The following ASTN2 variants were observed in gnomAD, a reference collection of about 807,000 sequenced individuals.
ASTN2 encodes astrotactin-2.
Under a neutral mutation model 139.8 loss-of-function variants are expected in ASTN2, and 54 were observed. That is an observed-to-expected ratio of 0.39 (90% CI 0.31 to 0.48). The LOEUF is 0.48. Among genes scored for constraint, ASTN2 ranks in the 20% least tolerant of loss-of-function variants. The pLI, the probability that ASTN2 is intolerant of heterozygous loss-of-function variation, is 0.95. For missense variants in ASTN2, 1,565 were observed against 1,725.1 expected (o/e 0.91, Z 1.64); for synonymous variants, 756 against 719.5 (o/e 1.05, Z -0.81).
intron 1 of ASTN2, among the ~76,000 whole-genome samples, chr9:117,351,785 T>C (rs934504097): frequency 6.6e-6 from 1 of 152,104 alleles, no homozygotes; most frequent in Non-Finnish European, 1.5e-5. Flanking sequence ...TTAGATGCTA[T>C]ATTAGTTCAT....
intron 20 of ASTN2, among the ~76,000 whole-genome samples, chr9:116,467,360 GGGTT>G (rs1848680628): frequency 6.6e-6 from 1 of 151,942 alleles, no homozygotes; most frequent in African/African-American, 2.4e-5. Flanking sequence ...TCCCCCTCCC[GGGTT>G]CAAGCAATTC....
intron 6 of ASTN2, among the ~76,000 whole-genome samples, chr9:117,011,507 G>T (rs572628884): frequency 6.6e-6 from 1 of 152,324 alleles, no homozygotes; most frequent in Non-Finnish European, 1.5e-5. Flanking sequence ...CTCCAGAACT[G>T]TAAGAAATAA....
At chr9:117,062,890 G>A (rs1055632488) in intron 5 of ASTN2, among the ~76,000 whole-genome samples, 1 of 152,120 alleles carries the variant, frequency 6.6e-6, no homozygotes, top group Non-Finnish European at 1.5e-5. Flanking sequence ...ATATCAATAC[G>A]CAGGAAGACT....
chr9:116,447,257 C>T (rs1848028340), intron 20 of ASTN2, among the ~76,000 whole-genome samples: 1 of 152,206 alleles, frequency 6.6e-6, no homozygotes, highest in African/African-American at 2.4e-5. Flanking sequence ...CTTTGACCGT[C>T]TCAAGAGCTG....
intron 3 of ASTN2, among the ~76,000 whole-genome samples, chr9:117,149,644 T>G (rs1438487252): frequency 6.6e-6 from 1 of 152,158 alleles, no homozygotes; most frequent in Non-Finnish European, 1.5e-5. Flanking sequence ...CCATCCAATT[T>G]GGAAATTGTG....
chr9:117,172,042 G>A (rs1830807153), intron 3 of ASTN2, among the ~76,000 whole-genome samples: 1 of 152,116 alleles, frequency 6.6e-6, no homozygotes, highest in African/African-American at 2.4e-5. Context: ...GCATCTGTAG[G>A]ATCGCATATC....
chr9:116,986,942 C>T (rs1046868043), intron 7 of ASTN2, among the ~76,000 whole-genome samples: 2 of 152,210 alleles, frequency 1.3e-5, no homozygotes, highest in Admixed American at 6.5e-5. Context: ...GGGAATACTG[C>T]AGGCACAGCC....
At chr9:116,649,908 G>A (rs1402342113) in intron 17 of ASTN2, among the ~76,000 whole-genome samples, 1 of 152,054 alleles carries the variant, frequency 6.6e-6, no homozygotes, top group Non-Finnish European at 1.5e-5. Context: ...TTCTCCCTCC[G>A]TCCTTGGTCT....
intron 10 of ASTN2, among the ~76,000 whole-genome samples, chr9:116,974,801 G>A (rs1043952794): frequency 5.3e-5 from 8 of 152,014 alleles, no homozygotes; most frequent in African/African-American, 9.7e-5. Context: ...GAGCCACCAC[G>A]CCTGGTCTTT....
At chr9:116,473,442 C>T (rs1029321183) in intron 20 of ASTN2, among the ~76,000 whole-genome samples, 48 of 152,274 alleles carry the variant, frequency 3.2e-4, no homozygotes, top group Non-Finnish European at 6.3e-4. Context: ...TCTCTTGTTA[C>T]GTCAGATGAT....
intron 1 of ASTN2, among the ~76,000 whole-genome samples, chr9:117,305,091 C>T (rs2130805526): frequency 6.6e-6 from 1 of 152,334 alleles, no homozygotes; most frequent in South Asian, 2.1e-4. Flanking sequence ...ATGCCAGACT[C>T]CTCTCTGCAG....
chr9:116,640,001 GCTGA>G (rs1475346805), intron 17 of ASTN2, among the ~76,000 whole-genome samples: 1 of 151,982 alleles, frequency 6.6e-6, no homozygotes, highest in Non-Finnish European at 1.5e-5. Flanking sequence ...TCGGTATAAG[GCTGA>G]CTAAAAGTTG....
intron 13 of ASTN2, among the ~76,000 whole-genome samples, chr9:116,796,292 C>A (rs1830686106): frequency 6.6e-6 from 1 of 152,152 alleles, no homozygotes; most frequent in Admixed American, 6.5e-5. Flanking sequence ...AATACAAAGT[C>A]ATTGTATCCC....
At chr9:117,062,753 G>A (rs1839330154) in intron 5 of ASTN2, among the ~76,000 whole-genome samples, 1 of 152,104 alleles carries the variant, frequency 6.6e-6, no homozygotes, top group Non-Finnish European at 1.5e-5. Flanking sequence ...TAGAAATACA[G>A]AAGACATTTC....
intron 20 of ASTN2, among the ~76,000 whole-genome samples, chr9:116,462,559 G>A (rs1848519722): frequency 1.3e-5 from 2 of 152,220 alleles, no homozygotes; most frequent in Middle Eastern, 3.4e-3. Flanking sequence ...GGATTATACT[G>A]TGGAATAAAG....
intron 11 of ASTN2, among the ~76,000 whole-genome samples, chr9:116,850,286 G>A (rs1241805543): frequency 6.6e-6 from 1 of 152,160 alleles, no homozygotes; most frequent in East Asian, 1.9e-4. Context: ...ATTGAGTGAT[G>A]GGTGAAGTGC....
chr9:116,569,196 C>T (rs1002870992), intron 19 of ASTN2, among the ~76,000 whole-genome samples: 7 of 152,162 alleles, frequency 4.6e-5, no homozygotes, highest in African/African-American at 7.2e-5. Context: ...TCAGACGGGC[C>T]TCGTTTGCAT....
chr9:116,988,124 T>C (rs1037793475), intron 7 of ASTN2, among the ~76,000 whole-genome samples: 16 of 152,244 alleles, frequency 1.1e-4, no homozygotes, highest in African/African-American at 3.9e-4. Context: ...GGAACTACTA[T>C]AGCCATTCTC....
chr9:116,565,255 C>CACACACAT lies in ASTN2; in HGVS notation c.3355+53068_3355+53069insATGTGTGT, dbSNP rs1237588683. On this transcript the variant is annotated intron_variant, in intron 19 of 22. Transcript: ENST00000313400. ...ACACACACACACACACACACACACA[C>CACACACAT]ACATATGCCCCATACTGAGGAGATT... 4.5e-3 allele frequency among the ~76,000 whole-genome samples: 499 copies of CACACACAT among 110,990 alleles called. 5 individuals are homozygous for CACACACAT. Among genetic ancestry groups the CACACACAT allele is most frequent in the African/African-American group, 0.019 (484 of 25,268 alleles). The allele number at this position is 110,990 out of a possible 152,430, so 72.8% of individuals were successfully genotyped here.
Sources: gnomAD v4.1 joint callset for allele counts (sites outside exome capture counted in the v4.1 genomes callset) on GRCh38, gnomAD v4.1.1 for gene constraint, MANE v1.5 for transcripts, NCBI Gene and HGNC (gene_info 2026-07-23, HGNC 2026-07-21) for gene names.